DST: variants seen among roughly 807,000 people sequenced by gnomAD.
The protein encoded by DST is bullous pemphigoid antigen.
In DST, 253 loss-of-function variants were observed where a neutral mutation model predicts 875.2. The observed-to-expected ratio is 0.29, with a 90% CI of 0.26 to 0.32. The LOEUF is 0.32. Among genes scored for constraint, DST ranks in the 10% least tolerant of loss-of-function variants. The probability of loss-of-function intolerance (pLI) is 1.00; values close to 1 mark genes in which losing one functional copy is unlikely to be tolerated. For synonymous variants in DST, 3,124 were observed against 3,197.1 expected (o/e 0.98, Z 0.77); for missense variants, 8,287 against 9,111.6 (o/e 0.91, Z 3.68).
At chr6:56,614,645 T>G in intron 36 of DST, 161 bp from the exon 37 acceptor site, 2 of 1,259,418 alleles carry the variant, frequency 1.6e-6, no homozygotes, top group Non-Finnish European at 2.0e-6. Context: ...CCATGTCACA[T>G]AGCAGATGCA....
chr6:56,588,309 A>G (rs1427674419), intron 49 of DST, among the ~76,000 whole-genome samples: 1 of 152,182 alleles, frequency 6.6e-6, no homozygotes, highest in Non-Finnish European at 1.5e-5. Context: ...TGCTGGACCC[A>G]ATGTCTTAGA....
intron 55 of DST, among the ~76,000 whole-genome samples, chr6:56,562,783 C>T (rs2097560896): frequency 6.6e-6 from 1 of 151,730 alleles, no homozygotes. Flanking sequence ...GTTCCCATCC[C>T]CGTATCCATG....
In DST at chr6:56,529,465, G is replaced by A; in HGVS notation, c.17578C>T (p.Gln5860Ter). 6 of 1,498,718 alleles carry A rather than the reference G, an allele frequency of 4.0e-6. No homozygotes were observed. The highest frequency in any genetic ancestry group is 5.3e-6 in the Non-Finnish European group (6 of 1,123,382). The allele number at this position is 1,498,718 out of a possible 1,614,324, so 92.8% of individuals were successfully genotyped here. Residue 5860 changes from glutamine (Q) to a stop codon, truncating the protein, a stop_gained, in exon 66 of 104, where the codon CAG (glutamine) becomes TAG (stop). Transcript: ENST00000680361. LOFTEE classifies it high-confidence loss of function. ...QDYSTEGLWK[Q>*]QSELRVLQED... Reference sequence around the variant, plus strand: ...CAAAATACCCGAAGTTCAGACTGCTGCTTCCATAGCCCCTCAGTGCTGTAA... The same window carrying A: ...CAAAATACCCGAAGTTCAGACTGCTACTTCCATAGCCCCTCAGTGCTGTAA...
chr6:56,593,945 G>A lies in DST; in HGVS notation c.12444C>T (p.His4148=). ...KFDADYTEFE[H]WLQQSEQELE... Reference sequence around the variant, plus strand: ...GTTCTTGTTCTGACTGCTGTAGCCAGTGCTCAAACTCGGTATAGTCAGCAT... The same window carrying A: ...GTTCTTGTTCTGACTGCTGTAGCCAATGCTCAAACTCGGTATAGTCAGCAT... The change falls in exon 48 of 104, where the codon CAC becomes CAT. Residue 4148 remains histidine (H), a synonymous_variant. Transcript: ENST00000680361. 6.2e-7 allele frequency: 1 copy of A among 1,613,814 alleles called. No individual in the cohort carries two copies. Among genetic ancestry groups the A allele is most frequent in the African/African-American group, 1.3e-5 (1 of 75,032 alleles).
intron 27 of DST, 126 bp downstream of exon 27, chr6:56,634,006 A>C: frequency 2.7e-6 from 3 of 1,104,974 alleles, no homozygotes; most frequent in Non-Finnish European, 4.1e-6. Flanking sequence ...TTCATTGAAT[A>C]AATGAATATT....
chr6:56,796,453 G>A (rs1236938505), intron 4 of DST, among the ~76,000 whole-genome samples: 1 of 152,162 alleles, frequency 6.6e-6, no homozygotes, highest in African/African-American at 2.4e-5. Context: ...CGGTGAGAGT[G>A]AGCTAAATGT....
intron 4 of DST, among the ~76,000 whole-genome samples, chr6:56,776,300 G>A (rs1271886604): frequency 6.6e-6 from 1 of 152,164 alleles, no homozygotes; most frequent in African/African-American, 2.4e-5. Flanking sequence ...ACAGACCAGA[G>A]AAGACTACAG....
In DST at chr6:56,624,060, T is replaced by C. The variant is rs960919338; in HGVS notation, c.4929+470A>G. 4.6e-5 allele frequency among the ~76,000 whole-genome samples: 7 copies of C among 152,054 alleles called. No individual in the cohort carries two copies. In the East Asian group the frequency reaches 1.2e-3, roughly 25 times the overall value. On this transcript the variant is annotated intron_variant, in intron 36 of 103. Coordinates refer to ENST00000680361, the MANE Select transcript of DST (RefSeq NM_001374736.1). The stretch of plus-strand genomic sequence containing the variant: ...GTAAAAACGTCTACTACTTCTAAGT[T>C]AGCATCTTTACATTATGTATAATAA...
chr6:56,648,363 G>C (rs1453999598), intron 13 of DST, among the ~76,000 whole-genome samples: 5 of 152,104 alleles, frequency 3.3e-5, no homozygotes, highest in Admixed American at 6.5e-5. Context: ...AAAGCTGAGT[G>C]ACTACAGCTA....
intron 2 of DST, among the ~76,000 whole-genome samples, chr6:56,943,673 T>C (rs1414188886): frequency 2.0e-5 from 3 of 151,924 alleles, no homozygotes; most frequent in Non-Finnish European, 4.4e-5. Context: ...CCTCAGGTGA[T>C]TTGCCCTCCT....
At position 56,529,669 on chromosome 6, in the gene DST, G is replaced by T. The variant is rs1485261784; in HGVS notation, c.17374C>A (p.Gln5792Lys). 2 of 1,613,662 alleles carry T rather than the reference G, an allele frequency of 1.2e-6. No individual in the cohort carries two copies. The highest frequency in any genetic ancestry group is 1.7e-6 in the Non-Finnish European group (2 of 1,179,748). ...ACTTGAGAGAAGTCTAATTTACTCT[G>T]CACCATATCTTTATCCTCCCTGGAG... ...LSSREDKDMVQSKLDFSQVWY... is the reference protein window; with the variant it reads ...LSSREDKDMVKSKLDFSQVWY... Residue 5792 changes from glutamine (Q) to lysine (K), a missense_variant, in exon 66 of 104, where the codon CAG becomes AAG. Physicochemically the swap from Gln to Lys is moderately conservative, Grantham distance 53. Coordinates refer to ENST00000680361, the MANE Select transcript of DST (RefSeq NM_001374736.1).
At position 56,635,497 on chromosome 6, in the gene DST, G is replaced by C; in HGVS notation, c.3186+92C>G. The C allele has an allele frequency of 3.1e-6, 4 of 1,274,736 alleles. No homozygotes were observed. The South Asian group carries it at 5.1e-5, about 16-fold the overall frequency. The allele number at this position is 1,274,736 out of a possible 1,614,324, so 79.0% of individuals were successfully genotyped here. Reference sequence around the variant, plus strand: ...TAATTGAATTAGTGGGAAATATCAAGAGTGCCAATAAAATACAAAGTTCTG... The same window carrying C: ...TAATTGAATTAGTGGGAAATATCAACAGTGCCAATAAAATACAAAGTTCTG... On this transcript the variant is annotated intron_variant, in intron 24 of 103. Coordinates refer to ENST00000680361, the MANE Select transcript of DST (RefSeq NM_001374736.1).
At chr6:56,710,755 CT>C (rs1277634959) in intron 5 of DST, among the ~76,000 whole-genome samples, 3 of 152,148 alleles carry the variant, frequency 2.0e-5, no homozygotes, top group Non-Finnish European at 4.4e-5. Flanking sequence ...AGTACTACTT[CT>C]TCAGGAGTTG....
In DST at chr6:56,639,676, G is replaced by T. The variant is rs753781879; in HGVS notation, c.2697+20C>A. The T allele has an allele frequency of 5.0e-6, 8 of 1,610,890 alleles. No individual in the cohort carries two copies. The highest frequency in any genetic ancestry group is 5.9e-6 in the Non-Finnish European group (7 of 1,177,790). On this transcript the variant is annotated intron_variant, in intron 20 of 103. Transcript: ENST00000680361. ...CAAATATAGATAAGGGAAACAGAAG[G>T]TTTAAAAAAAAAAACTTACCAAGAG...
intron 87 of DST, among the ~76,000 whole-genome samples, chr6:56,485,709 GACC>G (rs2152427924): frequency 6.6e-6 from 1 of 152,118 alleles, no homozygotes; most frequent in South Asian, 2.1e-4. Flanking sequence ...GGAAACCATG[GACC>G]CTTCATGTTT....
chr6:56,651,273 G>A (rs1347032557), intron 10 of DST, 29 bp from the exon 11 acceptor site: 1 of 1,377,748 alleles, frequency 7.3e-7, no homozygotes, highest in Non-Finnish European at 1.0e-6. Flanking sequence ...TGTTAATTAG[G>A]TTTTCTCATG....
At chr6:56,875,574 A>G (rs1418962817) in intron 3 of DST, among the ~76,000 whole-genome samples, 1 of 152,208 alleles carries the variant, frequency 6.6e-6, no homozygotes, top group African/African-American at 2.4e-5. Flanking sequence ...TTTGGAATCA[A>G]TAACATGTAT....
chr6:56,659,565 C>T (rs2099027974), intron 10 of DST, among the ~76,000 whole-genome samples: 1 of 152,068 alleles, frequency 6.6e-6, no homozygotes, highest in Admixed American at 6.6e-5. Context: ...TCACCCATGA[C>T]CCAAGAATAA....
chr6:56,482,158 C>T lies in DST; in HGVS notation c.21423G>A (p.Val7141=), dbSNP rs201115435. Residue 7141 remains valine (V), a synonymous_variant, in exon 90 of 104, where the codon GTG becomes GTA. Coordinates refer to ENST00000680361, the MANE Select transcript of DST (RefSeq NM_001374736.1). ...ALRQAEEFHS[V]VHALLEWLAE... ...CCAGCCACTCCAAGAGGGCATGTAC[C>T]ACCGAGTGGAATTCCTCTGCCTAAG... 2,113 of 1,607,642 alleles carry T rather than the reference C, an allele frequency of 1.3e-3. 4 individuals carry two copies. Among genetic ancestry groups the T allele is most frequent in the Non-Finnish European group, 1.6e-3 (1,896 of 1,175,060 alleles).
Sources: allele counts gnomAD v4.1 joint callset (sites outside exome capture counted in the v4.1 genomes callset), GRCh38; gene constraint gnomAD v4.1.1; transcripts MANE v1.5; gene names NCBI Gene and HGNC (gene_info 2026-07-23, HGNC 2026-07-21).